Variants in GART observed in about 807,000 individuals in gnomAD.
The protein encoded by GART is phosphoribosylglycinamide formyltransferase, phosphoribosylglycinamide synthetase, phosphoribosylaminoimidazole synthetase.
A neutral mutation model predicts 107.2 loss-of-function variants in GART; 43 were observed. The observed-to-expected ratio is 0.40, with a 90% CI of 0.31 to 0.52. The LOEUF (loss-of-function observed/expected upper bound fraction) is 0.52, where lower values mean the gene tolerates loss of function less well. Ranked by LOEUF, GART falls within the 20% of genes least tolerant of loss-of-function variation. GART has a pLI of 0.52. For missense variants in GART, 1,107 were observed against 1,206.5 expected (o/e 0.92, Z 1.22); for synonymous variants, 434 against 427.0 (o/e 1.02, Z -0.20).
intron 1 of GART, among the ~76,000 whole-genome samples, chr21:33,541,732 A>G (rs2085431779): frequency 1.3e-5 from 2 of 152,224 alleles, no homozygotes; most frequent in Non-Finnish European, 2.9e-5. Context: ...TATGGAGAAT[A>G]AAGTAGAAAC....
rs754290032 is a variant in GART at position 33,539,296 on chromosome 21, A to G, written c.20T>C (p.Ile7Thr). The change falls in exon 2 of 22, where the codon ATA (isoleucine) becomes ACA (threonine). Residue 7 changes from isoleucine to threonine, a missense_variant. Ile to Thr is a moderately conservative substitution (Grantham distance 89, BLOSUM62 -1). Coordinates refer to ENST00000381815, the MANE Select transcript of GART (RefSeq NM_000819.5). ...ATGTTCCCTTCCTCCACTGCCAATT[A>G]TAAGTACTCGGGCTGCCATTGTTCT... MAARVL[I>T]IGSGGREHTL... The G allele has an allele frequency of 1.5e-5, 25 of 1,613,810 alleles. No individual in the cohort carries two copies. Among genetic ancestry groups the G allele is most frequent in the East Asian group, 2.2e-5 (1 of 44,880 alleles).
At position 33,529,894 on chromosome 21, in the gene GART, TA is replaced by T. The variant is rs201429814; in HGVS notation, c.723+864del. On this transcript the variant is annotated intron_variant, in intron 7 of 21. Coordinates refer to ENST00000381815, the MANE Select transcript of GART (RefSeq NM_000819.5). ...CTTATATGCCAACAGCACAAATTCC[TA>T]AAAAAAACTGTGCAGAAGGCCAGGC... The T allele has an allele frequency of 5.5e-3, 836 of 153,140 alleles. 5 individuals carry two copies. The highest frequency in any genetic ancestry group is 8.9e-3 in the Non-Finnish European group (608 of 68,032). 9.5% of individuals were successfully genotyped at this position (153,140 alleles called of 1,614,324 possible).
At position 33,528,731 on chromosome 21, in the gene GART, T is replaced by A. The variant is rs2085123741; in HGVS notation, c.811+119A>T. On this transcript the variant is annotated intron_variant, in intron 8 of 21. Coordinates refer to ENST00000381815, the MANE Select transcript of GART (RefSeq NM_000819.5). ...AAGTTTTGGAAAAATCATAAACATT[T>A]AAAAAATGGTCCATTAAAAAGTGGT... 7 of 959,602 alleles carry A rather than the reference T, an allele frequency of 7.3e-6. No homozygotes were observed. The South Asian group carries it at 9.2e-5, about 13-fold the overall frequency. The allele number at this position is 959,602 out of a possible 1,614,324, so 59.4% of individuals were successfully genotyped here.
At chr21:33,509,288 A>AT (rs1350704259) in intron 18 of GART, 2 of 152,694 alleles carry the variant, frequency 1.3e-5, no homozygotes, top group African/African-American at 2.4e-5. Flanking sequence ...TGGCCATCAA[A>AT]TAAAAAAAAA....
chr21:33,519,715 C>A (rs1026763906), intron 14 of GART, among the ~76,000 whole-genome samples: 2 of 151,798 alleles, frequency 1.3e-5, no homozygotes, highest in East Asian at 3.9e-4. Context: ...TAGTTCCCAA[C>A]TACTTGGGAG....
At chr21:33,516,837 G>T in intron 16 of GART, 152 bp downstream of exon 16, 1 of 629,770 alleles carries the variant, frequency 1.6e-6, no homozygotes. Flanking sequence ...AAAAGAGATA[G>T]AAAAGGGTCG....
chr21:33,504,632 T>G, intron 20 of GART, 105 bp from the exon 21 acceptor site: 1 of 761,588 alleles, frequency 1.3e-6, no homozygotes, highest in Non-Finnish European at 2.2e-6. Context: ...GGAGTTGGAT[T>G]TCTGGGATGG....
chr21:33,542,274 G>C (rs1205729958), upstream of GART: 1 of 152,272 alleles, frequency 6.6e-6, no homozygotes, highest in African/African-American at 2.4e-5. Context: ...CTCCCCAGCC[G>C]AGACACCCAA....
rs1177974357 is a variant in GART at position 33,528,174 on chromosome 21, C to T, written c.1059G>A (p.Glu353=). 15 of 1,613,240 alleles carry T rather than the reference C, an allele frequency of 9.3e-6. No homozygotes were observed. In the South Asian group the frequency reaches 9.9e-5, roughly 11 times the overall value. Residue 353 remains glutamate, a synonymous_variant, in exon 10 of 22, where the codon GAG becomes GAA. Transcript: ENST00000381815. ...GYPGDYTKGV[E]ITGFPEAQAL... ...TTGCTCCCTGACACTCACCTGTTAT[C>T]TCTACACCCTTGGTGTAGTCTCCAG...
chr21:33,524,173 G>A, intron 11 of GART: 1 of 985,194 alleles, frequency 1.0e-6, no homozygotes, highest in East Asian at 1.1e-4. Flanking sequence ...AAAGTTAGAT[G>A]ACCAGTATTC....
chr21:33,522,102 G>A (rs1601198158), intron 12 of GART, 86 bp downstream of exon 12: 1 of 1,040,498 alleles, frequency 9.6e-7, no homozygotes, highest in East Asian at 2.4e-5. Context: ...CATTGCTTTG[G>A]AAAATATTCC....
chr21:33,520,023 CA>C (rs1413690065), intron 14 of GART, among the ~76,000 whole-genome samples: 1 of 151,870 alleles, frequency 6.6e-6, no homozygotes, highest in East Asian at 1.9e-4. Flanking sequence ...ACCGTGGGGT[CA>C]ATAAGGAGGA....
intron 18 of GART, among the ~76,000 whole-genome samples, chr21:33,508,794 C>T (rs1052644994): frequency 1.3e-5 from 2 of 152,216 alleles, no homozygotes; most frequent in African/African-American, 2.4e-5. Context: ...GGATTACAGG[C>T]GTGAGCCACA....
intron 18 of GART, chr21:33,509,309 AT>A (rs2084742018): frequency 6.5e-6 from 1 of 152,810 alleles, no homozygotes. Context: ...TCACATATGC[AT>A]TTAAGAACAT....
At chr21:33,533,289 A>C (rs913547577) in intron 4 of GART, among the ~76,000 whole-genome samples, 1 of 151,854 alleles carries the variant, frequency 6.6e-6, no homozygotes, top group Non-Finnish European at 1.5e-5. Context: ...AATACAAAAA[A>C]TTAGCCTGGA....
chr21:33,515,661 A>G (rs1483771875), intron 16 of GART, among the ~76,000 whole-genome samples: 1 of 148,326 alleles, frequency 6.7e-6, no homozygotes, highest in African/African-American at 2.5e-5. Context: ...TCAAAAAAAA[A>G]AAAAAAAAAA....
chr21:33,534,299 G>A (rs1475145538), intron 4 of GART, among the ~76,000 whole-genome samples: 3 of 152,006 alleles, frequency 2.0e-5, no homozygotes, highest in Non-Finnish European at 4.4e-5. Flanking sequence ...TGCAGCCTCC[G>A]CCTCCTGGGT....
chr21:33,512,289 GAAAAAAAAAAAA>G (rs563178142), intron 16 of GART, among the ~76,000 whole-genome samples: 3 of 65,444 alleles, frequency 4.6e-5, no homozygotes, highest in African/African-American at 1.9e-4. Context: ...GACTCAAATT[GAAAAAAAAAAAA>G]AAAAAAAAAA....
chr21:33,509,807 C>T lies in GART; in HGVS notation c.2428G>A (p.Val810Met). ...CCTGTTCCAGATATTAAGACAGCCA[C>T]TCTGGCCTTTTTTTTTTCAAAAGAG... ...HFSFEKKKARVAVLISGTGSN... is the reference protein window; with the variant it reads ...HFSFEKKKARMAVLISGTGSN... Residue 810 changes from valine (V) to methionine (M), a missense_variant, in exon 18 of 22, where the codon GTG becomes ATG. Transcript: ENST00000381815. 6.2e-7 allele frequency: 1 copy of T among 1,613,858 alleles called. No individual in the cohort carries two copies. Among genetic ancestry groups the T allele is most frequent in the Non-Finnish European group, 8.5e-7 (1 of 1,179,916 alleles).
Sources: allele counts gnomAD v4.1 joint callset (sites outside exome capture counted in the v4.1 genomes callset), GRCh38; gene constraint gnomAD v4.1.1; transcripts MANE v1.5; gene names NCBI Gene and HGNC (gene_info 2026-07-23, HGNC 2026-07-21).